Variants in PTPRD observed in about 807,000 individuals in gnomAD.
The protein encoded by PTPRD is receptor-type tyrosine-protein phosphatase delta.
In PTPRD, 34 loss-of-function variants were observed where a neutral mutation model predicts 214.5. The observed-to-expected ratio is 0.16, with a 90% CI of 0.12 to 0.21. PTPRD has a LOEUF of 0.21. Ranked by LOEUF, PTPRD falls within the 10% of genes least tolerant of loss-of-function variation. The pLI, the probability that PTPRD is intolerant of heterozygous loss-of-function variation, is 1.00. For synonymous variants in PTPRD, 1,128 were observed against 845.7 expected (o/e 1.33, Z -5.79); for missense variants, 2,545 against 2,398.7 (o/e 1.06, Z -1.27).
At chr9:9,384,165 T>C (rs541029482) in intron 9 of PTPRD, among the ~76,000 whole-genome samples, 7 of 151,696 alleles carry the variant, frequency 4.6e-5, no homozygotes, top group African/African-American at 1.7e-4. Context: ...AACAAACATA[T>C]ATCTCAGTGT....
intron 6 of PTPRD, among the ~76,000 whole-genome samples, chr9:9,736,746 A>T (rs1256524257): frequency 1.3e-5 from 2 of 151,982 alleles, no homozygotes; most frequent in East Asian, 3.9e-4. Context: ...TTCATCTGAG[A>T]AGGTTTTTTT....
At chr9:10,285,605 C>CTTTT (rs34225956) in intron 3 of PTPRD, among the ~76,000 whole-genome samples, 6,270 of 103,870 alleles carry the variant, frequency 0.06, 824 homozygotes, top group African/African-American at 0.19. Flanking sequence ...GGGGTCTCAT[C>CTTTT]TTTTTTTTTT....
chr9:10,303,438 CAA>C (rs199584172), intron 3 of PTPRD, among the ~76,000 whole-genome samples: 20 of 149,710 alleles, frequency 1.3e-4, no homozygotes, highest in African/African-American at 4.4e-4. Context: ...GATAGAAACA[CAA>C]AAAAAAACCT....
intron 4 of PTPRD, among the ~76,000 whole-genome samples, chr9:9,978,672 C>A (rs558171633): frequency 1.3e-5 from 2 of 151,976 alleles, no homozygotes; most frequent in East Asian, 1.9e-4. Flanking sequence ...ATAATATATG[C>A]ACAGATAGAT....
At chr9:8,802,777 AGTG>A (rs1202573149) in intron 11 of PTPRD, among the ~76,000 whole-genome samples, 1 of 152,164 alleles carries the variant, frequency 6.6e-6, no homozygotes, top group African/African-American at 2.4e-5. Flanking sequence ...ATGGGCTAGG[AGTG>A]GTGGCTTAAA....
chr9:8,923,137 G>A (rs1376233199), intron 11 of PTPRD, among the ~76,000 whole-genome samples: 2 of 151,316 alleles, frequency 1.3e-5, no homozygotes, highest in African/African-American at 4.9e-5. Flanking sequence ...CGCCTCCTGG[G>A]TTCAAGTGAG....
chr9:9,614,797 G>C (rs988855447), intron 7 of PTPRD, among the ~76,000 whole-genome samples: 1 of 152,142 alleles, frequency 6.6e-6, no homozygotes, highest in Non-Finnish European at 1.5e-5. Flanking sequence ...GCAGAACACA[G>C]TATTTGAACA....
chr9:9,837,539 T>G (rs540991046), intron 5 of PTPRD, among the ~76,000 whole-genome samples: 1 of 152,190 alleles, frequency 6.6e-6, no homozygotes, highest in East Asian at 1.9e-4. Context: ...AGGGGTATGT[T>G]TTAGGTTTAA....
chr9:10,156,823 T>C (rs1346479012), intron 3 of PTPRD, among the ~76,000 whole-genome samples: 2 of 152,196 alleles, frequency 1.3e-5, no homozygotes, highest in African/African-American at 4.8e-5. Context: ...GCTCGTATGT[T>C]GAGTGCATAT....
intron 2 of PTPRD, among the ~76,000 whole-genome samples, chr9:10,456,153 C>T (rs1481980025): frequency 1.3e-5 from 2 of 151,802 alleles, no homozygotes; most frequent in Non-Finnish European, 3.0e-5. Context: ...ATTCATAAAA[C>T]CCGATAAGGC....
chr9:10,531,530 C>T (rs776131268), intron 2 of PTPRD, among the ~76,000 whole-genome samples: 6 of 152,022 alleles, frequency 3.9e-5, no homozygotes, highest in Non-Finnish European at 5.9e-5. Context: ...TGGCACTTTA[C>T]CTTGAAAAAG....
At chr9:10,262,071 G>C (rs998920939) in intron 3 of PTPRD, among the ~76,000 whole-genome samples, 1 of 151,890 alleles carries the variant, frequency 6.6e-6, no homozygotes, top group Non-Finnish European at 1.5e-5. Context: ...AATATGACCA[G>C]GTCACCTATT....
At chr9:8,612,977 A>G (rs1259689723) in intron 14 of PTPRD, among the ~76,000 whole-genome samples, 1 of 152,184 alleles carries the variant, frequency 6.6e-6, no homozygotes, top group Non-Finnish European at 1.5e-5. Flanking sequence ...TAAAACTTAC[A>G]AAAAGGAAAG....
In PTPRD at chr9:10,502,059, T is replaced by A. The variant is rs1224811402; in HGVS notation, c.-600+110339A>T. On this transcript the variant is annotated intron_variant, in intron 2 of 45. Transcript: ENST00000381196. ...AGAAGAAAATCGAGCTTAATTTTTT[T>A]TAAGAAAATAGTGTGCTATTGTGAA... 8.6e-5 allele frequency among the ~76,000 whole-genome samples: 13 copies of A among 151,788 alleles called. No individual in the cohort carries two copies. In the East Asian group the frequency reaches 1.7e-3, roughly 20 times the overall value.
At chr9:9,496,757 T>C (rs909912719) in intron 8 of PTPRD, among the ~76,000 whole-genome samples, 11 of 152,130 alleles carry the variant, frequency 7.2e-5, no homozygotes, top group African/African-American at 2.7e-4. Flanking sequence ...TGGAAATATA[T>C]CAAAAATACA....
intron 12 of PTPRD, among the ~76,000 whole-genome samples, chr9:8,699,079 GCA>G (rs762672851): frequency 7.2e-5 from 11 of 152,106 alleles, no homozygotes; most frequent in Non-Finnish European, 1.2e-4. Context: ...ATCACAAAAT[GCA>G]CACTCTTTTT....
chr9:9,763,028 G>A (rs2098673687), intron 6 of PTPRD, among the ~76,000 whole-genome samples: 1 of 152,154 alleles, frequency 6.6e-6, no homozygotes, highest in African/African-American at 2.4e-5. Context: ...TTGTGTGTAA[G>A]CAGAGAGGGA....
At position 9,660,523 on chromosome 9, in the gene PTPRD, G is replaced by A. The variant is rs571096077; in HGVS notation, c.-287+74010C>T. 7.2e-5 allele frequency among the ~76,000 whole-genome samples: 11 copies of A among 152,080 alleles called. No individual in the cohort carries two copies. The South Asian group carries it at 2.3e-3, about 32-fold the overall frequency. ...GTGGGTTATACTTGGGATATAGGAT[G>A]TAGAAAAGAGGAGTCAAAGTAAATA... is the stretch of plus-strand genomic sequence containing the variant. On this transcript the variant is annotated intron_variant, in intron 7 of 45. Coordinates refer to ENST00000381196, the MANE Select transcript of PTPRD (RefSeq NM_002839.4).
intron 11 of PTPRD, among the ~76,000 whole-genome samples, chr9:8,824,351 G>A (rs1044674962): frequency 6.6e-6 from 1 of 152,070 alleles, no homozygotes; most frequent in African/African-American, 2.4e-5. Context: ...TCTATTTTTT[G>A]TAACTTTTTT....
Sources: allele counts gnomAD v4.1 joint callset (sites outside exome capture counted in the v4.1 genomes callset), GRCh38; gene constraint gnomAD v4.1.1; transcripts MANE v1.5; gene names NCBI Gene and HGNC (gene_info 2026-07-23, HGNC 2026-07-21).